BACE2: variants seen among roughly 807,000 people sequenced by gnomAD.
The protein encoded by BACE2 is beta-secretase 2, also known as 56 kDa aspartic-like protease.
A neutral mutation model predicts 46.2 loss-of-function variants in BACE2; 17 were observed. The observed-to-expected ratio is 0.37, with a 90% confidence interval of 0.25 to 0.55. The LOEUF is 0.55. BACE2 is among the 20% of genes least tolerant of loss of function. The probability of loss-of-function intolerance (pLI) is 0.82; values close to 1 mark genes in which losing one functional copy is unlikely to be tolerated. For missense variants in BACE2, 595 were observed against 698.1 expected (o/e 0.85, Z 1.66); for synonymous variants, 277 against 295.9 (o/e 0.94, Z 0.66).
chr21:41,275,413 C>T lies in BACE2; in HGVS notation c.1346C>T (p.Ser449Leu). ...GTGTCTGAAATTTCCGGGCCTTTCT[C>T]AACAGAGGATGTAGCCAGCAACTGT... ...AAVSEISGPF[S>L]TEDVASNCVP... is the part of the protein sequence containing the mutation. The change falls in exon 9 of 9, where the codon TCA becomes TTA. Residue 449 changes from serine to leucine, a missense_variant. Ser to Leu is a moderately radical substitution (Grantham distance 145). Coordinates refer to ENST00000330333, the MANE Select transcript of BACE2 (RefSeq NM_012105.5). The T allele has an allele frequency of 1.9e-6, 3 of 1,614,204 alleles. No homozygotes were observed. The highest frequency in any genetic ancestry group is 2.5e-6 in the Non-Finnish European group (3 of 1,180,036).
At chr21:41,197,784 G>T (rs926848996) in intron 1 of BACE2, among the ~76,000 whole-genome samples, 1 of 152,168 alleles carries the variant, frequency 6.6e-6, no homozygotes, top group African/African-American at 2.4e-5. Flanking sequence ...GCACAGATCA[G>T]CTATATGGCT....
intron 6 of BACE2, among the ~76,000 whole-genome samples, chr21:41,250,181 A>T (rs1196688649): frequency 6.6e-6 from 1 of 152,150 alleles, no homozygotes; most frequent in Non-Finnish European, 1.5e-5. Flanking sequence ...CTAGTGTTAC[A>T]AGAAGAAGCC....
intron 1 of BACE2, among the ~76,000 whole-genome samples, chr21:41,222,907 AGCT>A (rs1183239914): frequency 6.6e-6 from 1 of 152,164 alleles, no homozygotes; most frequent in Non-Finnish European, 1.5e-5. Context: ...GACCTGATGG[AGCT>A]GCTGTCGACC....
intron 1 of BACE2, among the ~76,000 whole-genome samples, chr21:41,174,305 G>A (rs1984726395): frequency 6.6e-6 from 1 of 151,864 alleles, no homozygotes. Context: ...ACGACAACCA[G>A]CTAATTTTTG....
intron 2 of BACE2, among the ~76,000 whole-genome samples, chr21:41,229,354 A>C (rs1342009419): frequency 2.0e-5 from 3 of 152,232 alleles, no homozygotes; most frequent in African/African-American, 4.8e-5. Flanking sequence ...GATACAACAG[A>C]AAGAAGCAGT....
At chr21:41,274,374 G>C (rs1254797645) in intron 8 of BACE2, among the ~76,000 whole-genome samples, 3 of 151,902 alleles carry the variant, frequency 2.0e-5, no homozygotes, top group African/African-American at 7.3e-5. Context: ...AGTCAAAAAG[G>C]GTATTATTTG....
chr21:41,237,887 C>T (rs1276561065), intron 3 of BACE2, among the ~76,000 whole-genome samples, 158 bp downstream of exon 3: 1 of 152,218 alleles, frequency 6.6e-6, no homozygotes. Context: ...TATTTCCAAG[C>T]ATTTTTTAAA....
At chr21:41,192,861 T>C (rs1985622551) in intron 1 of BACE2, among the ~76,000 whole-genome samples, 1 of 152,220 alleles carries the variant, frequency 6.6e-6, no homozygotes, top group Non-Finnish European at 1.5e-5. Flanking sequence ...AGATAGGCAT[T>C]GTGCTCTTTC....
At chr21:41,248,505 C>T (rs967820803) in intron 6 of BACE2, among the ~76,000 whole-genome samples, 2 of 152,240 alleles carry the variant, frequency 1.3e-5, no homozygotes, top group African/African-American at 2.4e-5. Flanking sequence ...AACTCTTCCC[C>T]GAATCCAGCA....
At chr21:41,245,882 T>A in intron 5 of BACE2, 80 bp from the exon 6 acceptor site, 1 of 1,006,524 alleles carries the variant, frequency 9.9e-7, no homozygotes, top group Admixed American at 2.2e-5. Flanking sequence ...AACAGACAGA[T>A]GGTGATGGCG....
intron 2 of BACE2, among the ~76,000 whole-genome samples, chr21:41,227,372 T>G (rs1986850616): frequency 6.6e-6 from 1 of 152,172 alleles, no homozygotes. Flanking sequence ...TTCCTTATCC[T>G]CAGTGTTTTG....
At chr21:41,169,324 G>A (rs1321428296) in intron 1 of BACE2, among the ~76,000 whole-genome samples, 2 of 151,916 alleles carry the variant, frequency 1.3e-5, no homozygotes, top group African/African-American at 2.4e-5. Flanking sequence ...GGTGTCCGGG[G>A]ACCAAGTGGT....
At chr21:41,227,310 T>G (rs1171430334) in intron 2 of BACE2, among the ~76,000 whole-genome samples, 1 of 152,224 alleles carries the variant, frequency 6.6e-6, no homozygotes, top group East Asian at 1.9e-4. Context: ...CTCGGAACTG[T>G]CACATTAGGT....
At chr21:41,233,875 C>T (rs1351290105) in intron 2 of BACE2, among the ~76,000 whole-genome samples, 1 of 152,194 alleles carries the variant, frequency 6.6e-6, no homozygotes, top group Non-Finnish European at 1.5e-5. Flanking sequence ...GCAGCAGAAT[C>T]GCTTGAACCC....
At chr21:41,257,064 G>T in intron 7 of BACE2, 94 bp from the exon 8 acceptor site, 1 of 1,428,370 alleles carries the variant, frequency 7.0e-7, no homozygotes, top group Non-Finnish European at 9.7e-7. Flanking sequence ...GCGCCTGGGA[G>T]GGTCCTGAGC....
At chr21:41,265,805 T>G (rs561094091) in intron 8 of BACE2, among the ~76,000 whole-genome samples, 2 of 152,352 alleles carry the variant, frequency 1.3e-5, no homozygotes, top group Admixed American at 1.3e-4. Flanking sequence ...CTTTGTATAT[T>G]TAAATAGTTT....
chr21:41,237,513 G>A lies in BACE2; in HGVS notation c.402G>A (p.Arg134=), dbSNP rs774427390. 8.7e-6 allele frequency: 14 copies of A among 1,611,452 alleles called. No individual in the cohort carries two copies. The Admixed American group carries it at 1.2e-4, about 13-fold the overall frequency. The change falls in exon 3 of 9, where the codon AGG becomes AGA. Residue 134 remains arginine, a splice_region_variant and synonymous_variant. Coordinates refer to ENST00000330333, the MANE Select transcript of BACE2 (RefSeq NM_012105.5). ...SYIDTYFDTE[R]SSTYRSKGFD... ...ATATGCTTTTCTTTTCTTTCTCCAG[G>A]TCTAGCACATACCGCTCCAAGGGCT...
At chr21:41,243,985 T>C (rs1271217875) in intron 5 of BACE2, among the ~76,000 whole-genome samples, 1 of 152,168 alleles carries the variant, frequency 6.6e-6, no homozygotes, top group Non-Finnish European at 1.5e-5. Context: ...GGTCATGCTG[T>C]ATAGATGTGT....
At chr21:41,184,069 A>G (rs1259717974) in intron 1 of BACE2, 1 of 167,062 alleles carries the variant, frequency 6.0e-6, no homozygotes, top group African/African-American at 2.4e-5. Flanking sequence ...TAAACTTTAA[A>G]GGCTATGTTT....
Sources: allele counts gnomAD v4.1 joint callset (sites outside exome capture counted in the v4.1 genomes callset), GRCh38; gene constraint gnomAD v4.1.1; transcripts MANE v1.5; gene names NCBI Gene and HGNC (gene_info 2026-07-23, HGNC 2026-07-21).